The following RABGAP1L variants were observed in gnomAD, a reference collection of about 807,000 sequenced individuals.
RABGAP1L encodes rab GTPase-activating protein 1-like.
In RABGAP1L, 63 loss-of-function variants were observed where a neutral mutation model predicts 137.7. The ratio of observed to expected loss-of-function variants is 0.46; its 90% CI spans 0.37 to 0.56. The LOEUF is 0.56. RABGAP1L is among the 20% of genes least tolerant of loss of function. The probability of loss-of-function intolerance (pLI) is 0.00; values close to 1 mark genes in which losing one functional copy is unlikely to be tolerated. For missense variants in RABGAP1L, 1,095 were observed against 1,244.0 expected, an observed-to-expected ratio of 0.88 and a Z score of 1.80; for synonymous variants, 431 against 433.7, an observed-to-expected ratio of 0.99 and a Z score of 0.08.
intron 19 of RABGAP1L, among the ~76,000 whole-genome samples, chr1:174,941,531 T>C (rs1665870095): frequency 1.3e-5 from 2 of 152,176 alleles, no homozygotes; most frequent in African/African-American, 4.8e-5. Context: ...GCCTGCACAG[T>C]GTCACCCGAG....
intron 12 of RABGAP1L, among the ~76,000 whole-genome samples, chr1:174,390,546 C>T (rs761190319): frequency 4.6e-5 from 7 of 151,932 alleles, no homozygotes; most frequent in South Asian, 2.1e-4. Flanking sequence ...CTGGGCCAAC[C>T]GAGTATTTAA....
intron 1 of RABGAP1L, among the ~76,000 whole-genome samples, chr1:174,204,720 G>A (rs1265852457): frequency 6.6e-6 from 1 of 152,180 alleles, no homozygotes; most frequent in African/African-American, 2.4e-5. Flanking sequence ...GGTGGGAGGT[G>A]ATTGGATCCT....
intron 19 of RABGAP1L, among the ~76,000 whole-genome samples, chr1:174,894,967 C>G (rs935576367): frequency 1.3e-5 from 2 of 151,938 alleles, no homozygotes; most frequent in Admixed American, 1.3e-4. Flanking sequence ...ATGTTGGCCA[C>G]GCTGGTCTCA....
chr1:174,988,507 A>G lies in RABGAP1L; in HGVS notation c.2806-134A>G, dbSNP rs375304419. 3.1e-5 allele frequency: 25 copies of G among 804,146 alleles called. No homozygotes were observed. The East Asian group carries it at 4.5e-4, about 14-fold the overall frequency. 49.8% of individuals were successfully genotyped at this position (804,146 alleles called of 1,614,324 possible). A position where few individuals can be genotyped will look rare whatever the true frequency, so the allele number is the denominator to read the frequency against. On this transcript the variant is annotated intron_variant, in intron 24 of 25. Coordinates refer to ENST00000681986, the MANE Select transcript of RABGAP1L (RefSeq NM_001366446.1). ...CTAATGATTTTGATTGCAGCACAAG[A>G]AAAATAATTAACCTTCAGAAATGGG...
chr1:174,821,756 C>G (rs762729817), intron 19 of RABGAP1L, among the ~76,000 whole-genome samples: 3 of 152,186 alleles, frequency 2.0e-5, no homozygotes, highest in Non-Finnish European at 4.4e-5. Flanking sequence ...CACTGAGGTC[C>G]TACAGAAGTT....
At chr1:174,478,927 T>C (rs1319001539) in intron 13 of RABGAP1L, among the ~76,000 whole-genome samples, 2 of 152,224 alleles carry the variant, frequency 1.3e-5, no homozygotes, top group Non-Finnish European at 2.9e-5. Context: ...TGGAATCTTC[T>C]GTCTGCATTT....
At chr1:174,349,269 G>A (rs1329974566) in intron 11 of RABGAP1L, among the ~76,000 whole-genome samples, 3 of 139,066 alleles carry the variant, frequency 2.2e-5, no homozygotes, top group Non-Finnish European at 4.7e-5. Flanking sequence ...GCGGCTGGCC[G>A]GGCAGAGGGG....
At chr1:174,933,124 A>T (rs1281364280) in intron 19 of RABGAP1L, among the ~76,000 whole-genome samples, 1 of 151,562 alleles carries the variant, frequency 6.6e-6, no homozygotes, top group East Asian at 1.9e-4. Context: ...ACATTTATAC[A>T]TACATACATA....
chr1:174,695,470 A>G (rs555431448), intron 15 of RABGAP1L, among the ~76,000 whole-genome samples: 84 of 152,022 alleles, frequency 5.5e-4, no homozygotes, highest in African/African-American at 1.9e-3. Flanking sequence ...TTATTATTTC[A>G]GTCTTTTTGT....
chr1:174,341,702 A>C (rs1218649608), intron 11 of RABGAP1L, among the ~76,000 whole-genome samples: 1 of 152,206 alleles, frequency 6.6e-6, no homozygotes, highest in Non-Finnish European at 1.5e-5. Context: ...CTAAAGTTTT[A>C]AGCTATTAAA....
chr1:174,413,554 C>A (rs1378446052), intron 13 of RABGAP1L, among the ~76,000 whole-genome samples: 2 of 152,102 alleles, frequency 1.3e-5, no homozygotes, highest in Non-Finnish European at 2.9e-5. Context: ...GTACTGGTTC[C>A]TTCTCATCTG....
intron 4 of RABGAP1L, among the ~76,000 whole-genome samples, chr1:174,239,978 T>A (rs1671651950): frequency 2.0e-5 from 3 of 152,254 alleles, no homozygotes; most frequent in African/African-American, 7.2e-5. Flanking sequence ...AGGAAAGGGT[T>A]TGCATGTATA....
chr1:174,684,307 G>A (rs1678302180), intron 15 of RABGAP1L, among the ~76,000 whole-genome samples: 1 of 152,148 alleles, frequency 6.6e-6, no homozygotes, highest in Non-Finnish European at 1.5e-5. Context: ...TGGCAGCTTT[G>A]TCAAGACAGA....
intron 19 of RABGAP1L, among the ~76,000 whole-genome samples, chr1:174,880,445 G>A (rs1178408065): frequency 2.0e-5 from 3 of 151,426 alleles, no homozygotes; most frequent in South Asian, 2.1e-4. Flanking sequence ...CAAGACCAGC[G>A]TAGGCAACAT....
At chr1:174,210,763 A>T (rs1668828699) in intron 1 of RABGAP1L, among the ~76,000 whole-genome samples, 3 of 152,108 alleles carry the variant, frequency 2.0e-5, no homozygotes, top group Non-Finnish European at 2.9e-5. Flanking sequence ...CACCAAGCAG[A>T]TTTAAAGGAA....
chr1:174,944,930 G>A (rs1056333049), intron 19 of RABGAP1L, among the ~76,000 whole-genome samples: 4 of 152,156 alleles, frequency 2.6e-5, no homozygotes, highest in African/African-American at 4.8e-5. Context: ...CAAGCGACAT[G>A]TATTTACTTT....
intron 13 of RABGAP1L, among the ~76,000 whole-genome samples, chr1:174,596,517 G>T (rs1669939214): frequency 1.3e-5 from 2 of 151,980 alleles, no homozygotes; most frequent in African/African-American, 2.4e-5. Flanking sequence ...TTTTCAGATT[G>T]TTCATTGTTG....
chr1:174,448,951 C>T lies in RABGAP1L; in HGVS notation c.1710+54806C>T. ...GTGTATTTTATATGCTGTGGCTCCC[C>T]TATATAATTTACTTTCTTCTAGAAA... On this transcript the variant is annotated intron_variant, in intron 13 of 25. Coordinates refer to ENST00000681986, the MANE Select transcript of RABGAP1L (RefSeq NM_001366446.1). This position sits in a 1 kb window ranked among gnomAD's most constrained non-coding sequence, Gnocchi z 4.2. 1 of 1,613,944 alleles carries T rather than the reference C, an allele frequency of 6.2e-7. No homozygotes were observed. The highest frequency in any genetic ancestry group is 8.5e-7 in the Non-Finnish European group (1 of 1,179,842).
At position 174,505,632 on chromosome 1, in the gene RABGAP1L, A is replaced by T. The variant is rs151097003; in HGVS notation, c.1710+111487A>T. Among the ~76,000 whole-genome samples, 1,180 of 152,298 alleles carry T rather than the reference A, an allele frequency of 7.7e-3. 9 individuals carry two copies. Among genetic ancestry groups the T allele is most frequent in the Non-Finnish European group, 0.01 (701 of 68,008 alleles). On this transcript the variant is annotated intron_variant, in intron 13 of 25. Transcript: ENST00000681986. ...CTTCACACCTGTTAGAATGACTGTT[A>T]GCAAAAAGACAAAAGATAAGTGTCA... is the stretch of plus-strand genomic sequence containing the variant.
Sources: allele counts gnomAD v4.1 joint callset (sites outside exome capture counted in the v4.1 genomes callset), GRCh38; gene constraint gnomAD v4.1.1; non-coding constraint Gnocchi (gnomAD v3.1); transcripts MANE v1.5; gene names NCBI Gene and HGNC (gene_info 2026-07-23, HGNC 2026-07-21).